RNF17: variants seen among roughly 807,000 people sequenced by gnomAD.
The protein encoded by RNF17 is spermatogenesis associated 23.
A neutral mutation model predicts 200.5 loss-of-function variants in RNF17; 31 were observed. The observed-to-expected ratio is 0.15, with a 90% CI of 0.12 to 0.21. The LOEUF (loss-of-function observed/expected upper bound fraction) is 0.21. RNF17 is among the 10% of genes least tolerant of loss of function. The pLI, the probability that RNF17 is intolerant of heterozygous loss-of-function variation, is 1.00. For synonymous variants in RNF17, 606 were observed against 637.8 expected, an observed-to-expected ratio of 0.95 and a Z score of 0.75; for missense variants, 1,628 against 1,905.1, an observed-to-expected ratio of 0.85 and a Z score of 2.71.
rs1262622311 is a variant in RNF17, at chr13:24,807,361, T to G, written c.2091+2932T>G. 2.0e-5 allele frequency among the ~76,000 whole-genome samples: 3 copies of G among 151,380 alleles called. No homozygotes were observed. The East Asian group carries it at 5.8e-4, about 29-fold the overall frequency. On this transcript the variant is annotated intron_variant, in intron 15 of 35. Coordinates refer to ENST00000255324, the MANE Select transcript of RNF17 (RefSeq NM_031277.3). ...CCATTCTAACTGGTGTGAGATGGTA[T>G]CTCATTGTGGTTTTGATTTGCATTT...
At chr13:24,821,172 T>A (rs1268084499) in intron 15 of RNF17, among the ~76,000 whole-genome samples, 1 of 152,188 alleles carries the variant, frequency 6.6e-6, no homozygotes, top group Non-Finnish European at 1.5e-5. Context: ...CATGGAGTTC[T>A]CCTTGTATAT....
At chr13:24,830,659 T>G (rs1220520628) in intron 17 of RNF17, 60 bp downstream of exon 17, 1 of 1,139,498 alleles carries the variant, frequency 8.8e-7, no homozygotes, top group African/African-American at 1.5e-5. Context: ...GAAGTATTTT[T>G]AGAAGCTATT....
At chr13:24,844,252 T>C (rs1890998343) in intron 20 of RNF17, among the ~76,000 whole-genome samples, 1 of 152,194 alleles carries the variant, frequency 6.6e-6, no homozygotes, top group South Asian at 2.1e-4. Flanking sequence ...CAAATCTTTG[T>C]TACCATGTAG....
chr13:24,748,905 A>G, the RNF17 span, among the ~76,000 whole-genome samples: 1 of 151,994 alleles, frequency 6.6e-6, no homozygotes, highest in Non-Finnish European at 1.5e-5. Flanking sequence ...ATGTGCCACC[A>G]TGCCCGGCTA....
downstream of RNF17, among the ~76,000 whole-genome samples, chr13:24,881,710 T>C (rs1953825056): frequency 6.7e-6 from 1 of 148,904 alleles, no homozygotes; most frequent in African/African-American, 2.4e-5. Context: ...ATTATCTAGG[T>C]ATACAGATAT....
chr13:24,864,259 A>G (rs1893398781), intron 28 of RNF17, among the ~76,000 whole-genome samples: 1 of 152,166 alleles, frequency 6.6e-6, no homozygotes, highest in East Asian at 1.9e-4. Flanking sequence ...GGGAATGGTA[A>G]GAAGAGATAG....
rs748211709 is a variant in RNF17 at position 24,844,950 on chromosome 13, T to C, written c.2983-11T>C. 2 of 1,576,526 alleles carry C rather than the reference T, an allele frequency of 1.3e-6. No individual in the cohort carries two copies. Among genetic ancestry groups the C allele is most frequent in the Non-Finnish European group, 1.7e-6 (2 of 1,148,532 alleles). On this transcript the variant is annotated splice_polypyrimidine_tract_variant and intron_variant, in intron 21 of 35. Transcript: ENST00000255324. ...TGTTTGTCTGTAGACTTAAAGTTATTATTTTCTTAGGTCTTGCTGTATGAT... is the reference window on the plus strand; with the variant it reads ...TGTTTGTCTGTAGACTTAAAGTTATCATTTTCTTAGGTCTTGCTGTATGAT...
chr13:24,883,637 A>G (rs1392990854), downstream of RNF17, among the ~76,000 whole-genome samples: 1 of 152,158 alleles, frequency 6.6e-6, no homozygotes, highest in Non-Finnish European at 1.5e-5. Flanking sequence ...TTTGGTTGTT[A>G]TATTAAAAGG....
downstream of RNF17, among the ~76,000 whole-genome samples, chr13:24,880,941 T>G (rs1191505190): frequency 6.6e-6 from 1 of 152,134 alleles, no homozygotes; most frequent in African/African-American, 2.4e-5. Context: ...CATTCACTGG[T>G]TTATTAGCTA....
intron 15 of RNF17, among the ~76,000 whole-genome samples, chr13:24,823,024 A>G (rs1178808639): frequency 6.6e-6 from 1 of 152,156 alleles, no homozygotes; most frequent in Non-Finnish European, 1.5e-5. Context: ...AGGCAGGTAT[A>G]GTGGTGATGA....
At chr13:24,786,941 A>C (rs1426051670) in intron 6 of RNF17, among the ~76,000 whole-genome samples, 1 of 152,044 alleles carries the variant, frequency 6.6e-6, no homozygotes, top group Non-Finnish European at 1.5e-5. Context: ...TGATTCCTAT[A>C]ATGCATACAT....
chr13:24,853,235 A>G (rs1453029382), intron 24 of RNF17, among the ~76,000 whole-genome samples: 3 of 152,148 alleles, frequency 2.0e-5, no homozygotes, highest in Non-Finnish European at 4.4e-5. Flanking sequence ...TTAAAAGTAC[A>G]GGAGATGAGA....
At chr13:24,797,245 TTTAAG>T (rs1335449897) in intron 11 of RNF17, among the ~76,000 whole-genome samples, 20 of 152,192 alleles carry the variant, frequency 1.3e-4, no homozygotes, top group African/African-American at 4.8e-4. Context: ...AAAGTTGTGC[TTTAAG>T]TTGTTAATGA....
rs1050254105 is a variant in RNF17, at chr13:24,789,364, A to G, written c.800A>G (p.Gln267Arg). The change falls in exon 8 of 36, where the codon CAG becomes CGG. Residue 267 changes from glutamine to arginine, a missense_variant. Physicochemically the swap from Gln to Arg is conservative, Grantham distance 43. Transcript: ENST00000255324. Reference sequence around the variant, plus strand: ...AAATTCTAGATTATCCGGACTTTGCAGTTAACTTCAGATAGTGAATTAGCA... The same window carrying G: ...AAATTCTAGATTATCCGGACTTTGCGGTTAACTTCAGATAGTGAATTAGCA... ...CDLNQIIRTL[Q>R]LTSDSELAQV... is the part of the protein sequence containing the mutation. The G allele has an allele frequency of 4.4e-6, 7 of 1,599,936 alleles. No homozygotes were observed. The Middle Eastern group carries it at 5.0e-4, about 114-fold the overall frequency.
upstream of RNF17, among the ~76,000 whole-genome samples, chr13:24,760,045 G>A (rs1878578047): frequency 6.6e-6 from 1 of 152,134 alleles, no homozygotes; most frequent in South Asian, 2.1e-4. Context: ...GGAGGCTGAG[G>A]CAGGAGAATT....
intron 28 of RNF17, among the ~76,000 whole-genome samples, 154 bp from the exon 29 acceptor site, chr13:24,864,719 A>C (rs557737314): frequency 2.8e-4 from 43 of 152,324 alleles, no homozygotes; most frequent in Middle Eastern, 6.8e-3. Context: ...TAGCGCGTCA[A>C]AATACCAGGA....
At chr13:24,840,686 G>C (rs1409145976) in intron 18 of RNF17, among the ~76,000 whole-genome samples, 1 of 152,000 alleles carries the variant, frequency 6.6e-6, no homozygotes, top group Non-Finnish European at 1.5e-5. Context: ...TCACTGATAT[G>C]TGGGAGCTAA....
At chr13:24,751,323 T>TTC in the RNF17 span, 1 of 148,506 alleles carries the variant, frequency 6.7e-6, no homozygotes, top group Non-Finnish European at 1.5e-5. Context: ...TATTTTTTTT[T>TTC]ACTTTTGTGC....
chr13:24,764,159 G>C, upstream of RNF17: 2 of 1,537,282 alleles, frequency 1.3e-6, no homozygotes, highest in Non-Finnish European at 1.8e-6. Context: ...CGCGAGGGCC[G>C]CCGGGACTCG....
Sources: allele counts gnomAD v4.1 joint callset (sites outside exome capture counted in the v4.1 genomes callset), GRCh38; gene constraint gnomAD v4.1.1; transcripts MANE v1.5; gene names NCBI Gene and HGNC (gene_info 2026-07-23, HGNC 2026-07-21).